The following COL5A2 variants were observed in gnomAD, a reference collection of about 807,000 sequenced individuals.
COL5A2 encodes the protein collagen type V alpha 2 chain.
A neutral mutation model predicts 208.2 loss-of-function variants in COL5A2; 23 were observed. The observed-to-expected ratio is 0.11, with a 90% CI of 0.08 to 0.16. The LOEUF is 0.16. COL5A2 is among the 10% of genes least tolerant of loss of function. The pLI, the probability that COL5A2 is intolerant of heterozygous loss-of-function variation, is 1.00. For missense variants in COL5A2, 1,590 were observed against 1,956.4 expected (o/e 0.81, Z 3.53); for synonymous variants, 625 against 628.5 (o/e 0.99, Z 0.08).
intron 1 of COL5A2, among the ~76,000 whole-genome samples, chr2:189,157,162 CAT>C (rs1187823005): frequency 3.6e-5 from 5 of 140,776 alleles, no homozygotes; most frequent in African/African-American, 6.1e-5. Context: ...ATGTGCTAAG[CAT>C]ATATATATCT....
At chr2:189,088,914 T>G in intron 7 of COL5A2, 142 bp from the exon 8 acceptor site, 1 of 741,192 alleles carries the variant, frequency 1.3e-6, no homozygotes, top group East Asian at 2.7e-5. Flanking sequence ...CTTTAAAGCC[T>G]GGAAAAAGAC....
chr2:189,429,506 C>G, the COL5A2 span, among the ~76,000 whole-genome samples: 2 of 152,212 alleles, frequency 1.3e-5, no homozygotes, highest in Admixed American at 6.5e-5. Flanking sequence ...GTTTCACCTT[C>G]ATTGCTTATT....
the COL5A2 span, among the ~76,000 whole-genome samples, chr2:189,261,944 GA>G: frequency 6.6e-6 from 1 of 152,056 alleles, no homozygotes; most frequent in African/African-American, 2.4e-5. Flanking sequence ...CCTAAAATAT[GA>G]AAACCAAGAG....
intron 1 of COL5A2, among the ~76,000 whole-genome samples, chr2:189,211,758 G>T (rs528036168): frequency 6.6e-6 from 1 of 152,306 alleles, no homozygotes; most frequent in South Asian, 2.1e-4. Context: ...GAAGATGACA[G>T]ATACAGTGAC....
the COL5A2 span, among the ~76,000 whole-genome samples, chr2:189,342,049 T>C: frequency 1.3e-5 from 2 of 152,014 alleles, no homozygotes; most frequent in Admixed American, 6.6e-5. Context: ...GCTACTTTCT[T>C]AAATAACAAA....
chr2:189,201,188 G>A (rs748112330), intron 1 of COL5A2, among the ~76,000 whole-genome samples: 1 of 151,940 alleles, frequency 6.6e-6, no homozygotes, highest in Non-Finnish European at 1.5e-5. Context: ...GATGTGAAAA[G>A]GAATTGGAAA....
At chr2:189,227,915 T>C (rs564322802), upstream of COL5A2, among the ~76,000 whole-genome samples, 10 of 152,108 alleles carry the variant, frequency 6.6e-5, no homozygotes, top group South Asian at 1.7e-3. Flanking sequence ...CTCTCCAGTA[T>C]AGATCACATA....
intron 1 of COL5A2, among the ~76,000 whole-genome samples, chr2:189,213,641 GGAGGAGGACTGGAGA>G (rs1411919194): frequency 6.6e-6 from 1 of 152,176 alleles, no homozygotes; most frequent in Non-Finnish European, 1.5e-5. Context: ...TAACCGAAAG[GGAGGAGGACTGGAGA>G]GAGAATTTAT....
At chr2:189,397,807 A>G in the COL5A2 span, among the ~76,000 whole-genome samples, 2 of 151,692 alleles carry the variant, frequency 1.3e-5, no homozygotes, top group Non-Finnish European at 2.9e-5. Flanking sequence ...TATTTTATTA[A>G]TTTCTATTCT....
At chr2:189,139,145 C>A (rs1687883546) in intron 1 of COL5A2, among the ~76,000 whole-genome samples, 4 of 152,080 alleles carry the variant, frequency 2.6e-5, no homozygotes, top group Admixed American at 2.0e-4. Flanking sequence ...CGCGGTGGCT[C>A]ACGTCTGTAA....
chr2:189,157,133 T>TATCG (rs1553521841), intron 1 of COL5A2, among the ~76,000 whole-genome samples: 1 of 82,830 alleles, frequency 1.2e-5, no homozygotes, highest in Admixed American at 1.3e-4. Context: ...TCTATCTATA[T>TATCG]ATATATCTAT....
chr2:189,231,207 A>G, the COL5A2 span, among the ~76,000 whole-genome samples: 1 of 149,800 alleles, frequency 6.7e-6, no homozygotes, highest in Non-Finnish European at 1.5e-5. Flanking sequence ...TCAGTCATAT[A>G]AAGTTTCAGT....
At chr2:189,160,801 TTTTTCTTTTC>T (rs1334705683) in intron 1 of COL5A2, among the ~76,000 whole-genome samples, 2 of 151,778 alleles carry the variant, frequency 1.3e-5, no homozygotes, top group African/African-American at 4.8e-5. Context: ...CTTCATGTAC[TTTTTCTTTTC>T]TTTTCTTTTC....
chr2:189,294,080 TC>T, the COL5A2 span, among the ~76,000 whole-genome samples: 7 of 128,448 alleles, frequency 5.4e-5, no homozygotes, highest in African/African-American at 1.8e-4. Context: ...AGAGCGAGAC[TC>T]CGTCTCAAGA....
chr2:189,057,325 C>T lies in COL5A2; in HGVS notation c.2332G>A (p.Asp778Asn). The change falls in exon 34 of 54, where the codon GAC becomes AAC. Residue 778 changes from aspartate (D) to asparagine (N), a missense_variant. By Grantham distance (23) the Asp-to-Asn change is conservative. Transcript: ENST00000374866. Reference sequence around the variant, plus strand: ...AAAAAAAAAAAAGGACTTACTCTGTCACCCTTGGGGCCAGGAGTTCCTGCA... The same window carrying T: ...AAAAAAAAAAAAGGACTTACTCTGTTACCCTTGGGGCCAGGAGTTCCTGCA... ...GIAGTPGPKG[D>N]RGGIGEKGAE... 1.5e-6 allele frequency: 2 copies of T among 1,313,228 alleles called. No individual in the cohort carries two copies. Among genetic ancestry groups the T allele is most frequent in the Non-Finnish European group, 2.2e-6 (2 of 917,620 alleles). 81.3% of individuals were successfully genotyped at this position (1,313,228 alleles called of 1,614,324 possible).
intron 50 of COL5A2, 55 bp downstream of exon 50, chr2:189,041,531 A>C: frequency 7.3e-7 from 1 of 1,364,096 alleles, no homozygotes; most frequent in Non-Finnish European, 1.1e-6. Flanking sequence ...TCTTGGACGG[A>C]ATCTGAGCTA....
At chr2:189,194,229 C>T (rs993874057) in intron 1 of COL5A2, among the ~76,000 whole-genome samples, 7 of 152,186 alleles carry the variant, frequency 4.6e-5, no homozygotes, top group South Asian at 2.1e-4. Context: ...ATGGTCCAAG[C>T]GAGTCCATTT....
At chr2:189,170,479 T>C (rs1688552307) in intron 1 of COL5A2, among the ~76,000 whole-genome samples, 1 of 152,120 alleles carries the variant, frequency 6.6e-6, no homozygotes, top group South Asian at 2.1e-4. Context: ...CTTAGTTTCT[T>C]AGAGGATATA....
At chr2:189,363,530 T>C in the COL5A2 span, among the ~76,000 whole-genome samples, 2 of 152,176 alleles carry the variant, frequency 1.3e-5, no homozygotes. Context: ...GATATATTCT[T>C]ATTCTTATTT....
Sources: gnomAD v4.1 joint callset for allele counts (sites outside exome capture counted in the v4.1 genomes callset) on GRCh38, gnomAD v4.1.1 for gene constraint, MANE v1.5 for transcripts, NCBI Gene and HGNC (gene_info 2026-07-23, HGNC 2026-07-21) for gene names.